The following SLC25A26 variants were observed in gnomAD, a reference collection of about 807,000 sequenced individuals.
SLC25A26 encodes mitochondrial S-adenosylmethionine carrier protein.
A neutral mutation model predicts 37.8 loss-of-function variants in SLC25A26; 36 were observed. That is an observed-to-expected ratio of 0.95 (90% CI 0.73 to 1.26). The LOEUF (loss-of-function observed/expected upper bound fraction) is 1.26, where lower values mean the gene tolerates loss of function less well. Ranked by LOEUF, SLC25A26 falls within the 50% of genes most tolerant of loss-of-function variation. SLC25A26 has a pLI of 0.00. For missense variants in SLC25A26, 390 were observed against 331.1 expected (o/e 1.18, Z -1.38); for synonymous variants, 129 against 122.5 (o/e 1.05, Z -0.35).
intron 1 of SLC25A26, among the ~76,000 whole-genome samples, chr3:66,147,482 CGTT>C (rs1393163186): frequency 6.6e-6 from 1 of 151,654 alleles, no homozygotes; most frequent in South Asian, 2.1e-4. Flanking sequence ...TTTATTCACT[CGTT>C]GGTTGATGGA....
intron 1 of SLC25A26, among the ~76,000 whole-genome samples, chr3:66,199,668 T>C (rs1490424941): frequency 2.0e-5 from 3 of 152,086 alleles, no homozygotes; most frequent in African/African-American, 7.2e-5. Context: ...CACTAAACCC[T>C]TCACTGGCCT....
At chr3:66,252,698 G>T (rs73833427) in intron 3 of SLC25A26, among the ~76,000 whole-genome samples, 178 of 152,272 alleles carry the variant, frequency 1.2e-3, no homozygotes, top group African/African-American at 3.9e-3. Context: ...AATGCGGCAC[G>T]TTTTTAGAAT....
intron 6 of SLC25A26, among the ~76,000 whole-genome samples, chr3:66,358,948 T>G (rs1205260833): frequency 1.3e-5 from 2 of 152,250 alleles, no homozygotes; most frequent in Non-Finnish European, 2.9e-5. Flanking sequence ...CAGTCATTCT[T>G]TACGTCATGC....
chr3:66,347,176 G>A (rs1357556495), intron 6 of SLC25A26, among the ~76,000 whole-genome samples: 1 of 152,124 alleles, frequency 6.6e-6, no homozygotes, highest in Non-Finnish European at 1.5e-5. Context: ...TATCATCAGA[G>A]CGTTCAGACT....
At chr3:66,136,986 A>G (rs1240432429) in intron 1 of SLC25A26, among the ~76,000 whole-genome samples, 18 of 152,088 alleles carry the variant, frequency 1.2e-4, no homozygotes, top group Admixed American at 1.2e-3. Context: ...TCTCTTATTT[A>G]TTGAAAATAA....
At chr3:66,273,543 A>G (rs1445596339) in intron 5 of SLC25A26, among the ~76,000 whole-genome samples, 2 of 152,206 alleles carry the variant, frequency 1.3e-5, no homozygotes, top group African/African-American at 4.8e-5. Context: ...CTGATAAGCA[A>G]CTTCAGCAAA....
intron 5 of SLC25A26, among the ~76,000 whole-genome samples, chr3:66,303,916 T>C (rs1160319981): frequency 3.3e-5 from 5 of 152,210 alleles, no homozygotes; most frequent in African/African-American, 1.2e-4. Context: ...TCCTGTTTCT[T>C]GTTAGCGATT....
At position 66,377,810 on chromosome 3, in the gene SLC25A26, C is replaced by T. The variant is rs116677829; in HGVS notation, c.*3C>T. On this transcript the variant is annotated 3_prime_UTR_variant, in exon 10 of 10. Coordinates refer to ENST00000354883, the MANE Select transcript of SLC25A26 (RefSeq NM_001379210.1). ...AAGTTGGCAGAAAGAGTCCTTGAAG[C>T]AGAGACAAGCCTCACCTCCACTTCT... The T allele has an allele frequency of 5.6e-6, 9 of 1,607,568 alleles. No individual in the cohort carries two copies. The Admixed American group carries it at 1.3e-4, about 24-fold the overall frequency.
chr3:66,175,504 C>G (rs1298888119), intron 1 of SLC25A26, among the ~76,000 whole-genome samples: 1 of 152,134 alleles, frequency 6.6e-6, no homozygotes, highest in African/African-American at 2.4e-5. Flanking sequence ...GGATTACAGG[C>G]ATGAGCCACC....
intron 5 of SLC25A26, among the ~76,000 whole-genome samples, chr3:66,275,193 T>C (rs966007647): frequency 2.2e-5 from 3 of 138,430 alleles, no homozygotes; most frequent in Non-Finnish European, 4.5e-5. Flanking sequence ...TAGATGGGAA[T>C]TGAACAATGA....
At chr3:66,323,336 C>A (rs955295301) in intron 5 of SLC25A26, among the ~76,000 whole-genome samples, 2 of 152,220 alleles carry the variant, frequency 1.3e-5, no homozygotes, top group Non-Finnish European at 2.9e-5. Flanking sequence ...AATTAATGTA[C>A]TGTGTCTAAA....
intron 5 of SLC25A26, among the ~76,000 whole-genome samples, chr3:66,337,618 G>C (rs1348041020): frequency 6.6e-6 from 1 of 151,980 alleles, no homozygotes; most frequent in African/African-American, 2.4e-5. Flanking sequence ...TAAATGTGTT[G>C]AGATAAATCA....
intron 6 of SLC25A26, among the ~76,000 whole-genome samples, chr3:66,359,428 T>C (rs1045218739): frequency 5.9e-5 from 9 of 152,240 alleles, no homozygotes; most frequent in Non-Finnish European, 7.3e-5. Flanking sequence ...CACATTCACA[T>C]CTTACTGTTA....
chr3:66,191,585 C>A (rs1250756230), intron 1 of SLC25A26, among the ~76,000 whole-genome samples: 4 of 152,014 alleles, frequency 2.6e-5, no homozygotes, highest in Non-Finnish European at 5.9e-5. Flanking sequence ...TGTGTTCCCC[C>A]CAAATTTGTA....
intron 1 of SLC25A26, among the ~76,000 whole-genome samples, chr3:66,165,813 G>A (rs1172049562): frequency 6.6e-6 from 1 of 151,964 alleles, no homozygotes; most frequent in African/African-American, 2.4e-5. Context: ...AATCCATAGT[G>A]CCTGGAGAGG....
intron 5 of SLC25A26, among the ~76,000 whole-genome samples, chr3:66,286,697 G>A (rs1039865801): frequency 4.0e-5 from 6 of 151,762 alleles, no homozygotes; most frequent in East Asian, 1.9e-4. Context: ...TCTTTTTCTC[G>A]AGACAAGGGT....
At chr3:66,268,834 A>G (rs989429518) in intron 5 of SLC25A26, among the ~76,000 whole-genome samples, 2 of 152,298 alleles carry the variant, frequency 1.3e-5, no homozygotes, top group Middle Eastern at 6.8e-3. Context: ...TGGTTTTAAA[A>G]GTGTTTGCAG....
intron 5 of SLC25A26, among the ~76,000 whole-genome samples, chr3:66,309,792 C>T (rs1012603477): frequency 4.6e-5 from 7 of 151,592 alleles, no homozygotes; most frequent in East Asian, 1.9e-4. Flanking sequence ...AGGTTGTTTC[C>T]GTGTAGTTGC....
chr3:66,192,547 A>G (rs1404023187), intron 1 of SLC25A26, among the ~76,000 whole-genome samples: 1 of 152,112 alleles, frequency 6.6e-6, no homozygotes, highest in Non-Finnish European at 1.5e-5. Flanking sequence ...TAGCAGCCCA[A>G]TTGACTAACG....
Sources: gnomAD v4.1 joint callset for allele counts (sites outside exome capture counted in the v4.1 genomes callset) on GRCh38, gnomAD v4.1.1 for gene constraint, MANE v1.5 for transcripts, NCBI Gene and HGNC (gene_info 2026-07-23, HGNC 2026-07-21) for gene names.